RMDN1: variants seen among roughly 807,000 people sequenced by gnomAD.
RMDN1 encodes regulator of microtubule dynamics 1.
RMDN1 carries 48 observed loss-of-function variants against 48.9 expected under a neutral mutation model. That is an observed-to-expected ratio of 0.98 (90% CI 0.78 to 1.25). The LOEUF (loss-of-function observed/expected upper bound fraction) is 1.25, where lower values mean the gene tolerates loss of function less well. RMDN1 is among the 50% of genes most tolerant of loss of function. The pLI is 0.00. For missense variants in RMDN1, 418 were observed against 373.4 expected (o/e 1.12, Z -0.98); for synonymous variants, 148 against 132.6 (o/e 1.12, Z -0.80).
intron 2 of RMDN1, among the ~76,000 whole-genome samples, chr8:86,491,291 C>T (rs771500116): frequency 5.9e-5 from 9 of 152,158 alleles, no homozygotes; most frequent in Admixed American, 5.2e-4. Context: ...CGCACCACCA[C>T]GCCCAGCTAA....
At chr8:86,471,618 GTATC>G (rs1383530025), downstream of RMDN1, among the ~76,000 whole-genome samples, 3 of 152,050 alleles carry the variant, frequency 2.0e-5, no homozygotes, top group Non-Finnish European at 4.4e-5. Flanking sequence ...CAATTATAAA[GTATC>G]TAAGGAAGAA....
At chr8:86,469,121 T>A (rs6992624), downstream of RMDN1, among the ~76,000 whole-genome samples, 21,867 of 151,168 alleles carry the variant, frequency 0.14, 1,721 homozygotes, top group Non-Finnish European at 0.18. Flanking sequence ...ATCTGTTAGA[T>A]CAGTTTAGTT....
chr8:86,502,261 A>C (rs1183113459), intron 2 of RMDN1, among the ~76,000 whole-genome samples: 2 of 152,052 alleles, frequency 1.3e-5, no homozygotes, highest in African/African-American at 4.8e-5. Flanking sequence ...TTTTGAGACA[A>C]GGTCTTGCTC....
chr8:86,484,047 C>T (rs1815032652), intron 5 of RMDN1, among the ~76,000 whole-genome samples: 1 of 152,136 alleles, frequency 6.6e-6, no homozygotes, highest in African/African-American at 2.4e-5. Flanking sequence ...TTACACTGGA[C>T]CACGCTTTCC....
At chr8:86,508,871 A>G, upstream of RMDN1, 3 of 1,122,346 alleles carry the variant, frequency 2.7e-6, no homozygotes, top group South Asian at 7.8e-5. Flanking sequence ...AGGCCGTGAG[A>G]GCGCTCTCTT....
In RMDN1 at chr8:86,504,734, G is replaced by A. The variant is rs1378874234; in HGVS notation, c.247+2261C>T. 1.1e-4 allele frequency: 106 copies of A among 1,002,474 alleles called. No homozygotes were observed. In the South Asian group the frequency reaches 1.1e-3, roughly 11 times the overall value. The allele number at this position is 1,002,474 out of a possible 1,614,324, so 62.1% of individuals were successfully genotyped here. The stretch of plus-strand genomic sequence containing the variant: ...AAATTGGACCAGGTCCCATTTCCTG[G>A]TTTATTGTGGCCGAACTCTTCAGCC... On this transcript the variant is annotated intron_variant, in intron 2 of 9. Transcript: ENST00000406452.
downstream of RMDN1, among the ~76,000 whole-genome samples, chr8:86,470,955 T>C (rs1279781838): frequency 1.3e-5 from 2 of 152,152 alleles, no homozygotes; most frequent in African/African-American, 4.8e-5. Flanking sequence ...ATCTTGATTA[T>C]GGTGGCAGTT....
chr8:86,486,859 T>C (rs1057384919), intron 3 of RMDN1, among the ~76,000 whole-genome samples: 2 of 152,202 alleles, frequency 1.3e-5, no homozygotes, highest in Non-Finnish European at 2.9e-5. Context: ...TCCATAAATA[T>C]TAACTTACCT....
intron 2 of RMDN1, among the ~76,000 whole-genome samples, chr8:86,492,102 T>C (rs899475110): frequency 6.6e-6 from 1 of 152,156 alleles, no homozygotes; most frequent in Non-Finnish European, 1.5e-5. Context: ...CTCAGTTCTG[T>C]AGGTTCATCA....
intron 2 of RMDN1, among the ~76,000 whole-genome samples, chr8:86,496,720 G>A (rs1449944725): frequency 6.6e-6 from 1 of 152,140 alleles, no homozygotes; most frequent in Non-Finnish European, 1.5e-5. Context: ...CATTGACAGT[G>A]CTACACATAT....
intron 1 of RMDN1, 82 bp from the exon 2 acceptor site, chr8:86,507,194 T>C (rs1819514518): frequency 1.3e-6 from 1 of 780,876 alleles, no homozygotes; most frequent in South Asian, 1.6e-5. Context: ...ACATGAATTT[T>C]CTCCCACCCC....
intron 5 of RMDN1, among the ~76,000 whole-genome samples, chr8:86,483,699 AC>A (rs1323837730): frequency 6.6e-6 from 1 of 152,240 alleles, no homozygotes; most frequent in Non-Finnish European, 1.5e-5. Context: ...AGGAATTGAC[AC>A]TAAACCATAA....
chr8:86,503,371 C>CAAAAAAAAAAAAAAAAAAAAAAAAAA (rs1182231210), intron 2 of RMDN1, among the ~76,000 whole-genome samples: 5 of 68,036 alleles, frequency 7.3e-5, no homozygotes, highest in Admixed American at 1.5e-4. Flanking sequence ...CAAAACAAAA[C>CAAAAAAAAAAAAAAAAAAAAAAAAAA]AAAAAAAAAA....
chr8:86,508,686 G>A lies in RMDN1; in HGVS notation c.-66C>T, dbSNP rs1819839467. 6.9e-7 allele frequency: 1 copy of A among 1,458,482 alleles called. No individual in the cohort carries two copies. The highest frequency in any genetic ancestry group is 1.5e-5 in the African/African-American group (1 of 67,294). 90.3% of individuals were successfully genotyped at this position (1,458,482 alleles called of 1,614,324 possible). A position where few individuals can be genotyped will look rare whatever the true frequency, so the allele number is the denominator to read the frequency against. ...GCTACGGAGGCGGGCGGGGCTAAAG[G>A]AGATTCAATCCTTCCGGAAAGAACC... is the stretch of plus-strand genomic sequence containing the variant. On this transcript the variant is annotated 5_prime_UTR_variant, in exon 1 of 10. Coordinates refer to ENST00000406452, the MANE Select transcript of RMDN1 (RefSeq NM_016033.3).
At position 86,508,565 on chromosome 8, in the gene RMDN1, G is replaced by C. The variant is rs759329797; in HGVS notation, c.56C>G (p.Pro19Arg). 37 of 1,600,890 alleles carry C rather than the reference G, an allele frequency of 2.3e-5. No homozygotes were observed. Among genetic ancestry groups the C allele is most frequent in the Admixed American group, 6.8e-5 (4 of 58,862 alleles). ...AGTCCCCGCAGGGAGACGAGACCCCGGGGCGGCTCCACGTCGGAAAGGCAG... is the reference window on the plus strand; with the variant it reads ...AGTCCCCGCAGGGAGACGAGACCCCCGGGCGGCTCCACGTCGGAAAGGCAG... ...RLLPFRRGAA[P>R]GSRLPAGTSG... The change falls in exon 1 of 10, where the codon CCG becomes CGG. Residue 19 changes from proline to arginine, a missense_variant. By Grantham distance (103) the Pro-to-Arg change is moderately radical. Transcript: ENST00000406452.
intron 2 of RMDN1, chr8:86,494,866 T>G (rs546150294): frequency 8.0e-6 from 3 of 375,980 alleles, no homozygotes; most frequent in African/African-American, 6.4e-5. Flanking sequence ...CCCAGCTACT[T>G]GGGAGGCTGA....
Position 86,480,298 on chromosome 8 carries a change from G to C in RMDN1, c.620C>G (p.Ser207Ter). The change falls in exon 6 of 10, where the codon TCA becomes TGA. Residue 207 changes from serine (S) to a stop codon, truncating the protein, a stop_gained. Transcript: ENST00000406452. LOFTEE classifies it high-confidence loss of function. ...AIELNPKDATSIHLMGIWCYT... is the reference protein window; with the variant it reads ...AIELNPKDAT ...TTACCAAATACCCATAAGGTGAATT[G>C]AAGTAGCATCTTTAGGGTTCAGTTC... is the stretch of plus-strand genomic sequence containing the variant. The C allele has an allele frequency of 6.5e-7, 1 of 1,542,494 alleles. No individual in the cohort carries two copies. Among genetic ancestry groups the C allele is most frequent in the Non-Finnish European group, 8.8e-7 (1 of 1,132,556 alleles).
In RMDN1 at chr8:86,508,600, C is replaced by G; in HGVS notation, c.21G>C (p.Leu7=). Residue 7 remains leucine, a synonymous_variant, in exon 1 of 10, where the codon CTG becomes CTC. Transcript: ENST00000406452. Reference sequence around the variant, plus strand: ...CACGTCGGAAAGGCAGAAGGCGCCACAGTCGAGCAGCCAGCGCCATGACCT... The same window carrying G: ...CACGTCGGAAAGGCAGAAGGCGCCAGAGTCGAGCAGCCAGCGCCATGACCT... MALAAR[L]WRLLPFRRGA... 1 of 1,603,986 alleles carries G rather than the reference C, an allele frequency of 6.2e-7. No homozygotes were observed. The highest frequency in any genetic ancestry group is 8.5e-7 in the Non-Finnish European group (1 of 1,176,328).
intron 2 of RMDN1, among the ~76,000 whole-genome samples, chr8:86,506,444 G>T (rs917187103): frequency 6.6e-5 from 10 of 152,126 alleles, no homozygotes; most frequent in Admixed American, 2.6e-4. Context: ...CCCTTAGGGG[G>T]TCTCAATCTT....
Sources: allele counts gnomAD v4.1 joint callset (sites outside exome capture counted in the v4.1 genomes callset), GRCh38; gene constraint gnomAD v4.1.1; transcripts MANE v1.5; gene names NCBI Gene and HGNC (gene_info 2026-07-23, HGNC 2026-07-21).